ZMIZ1: variants seen among roughly 807,000 people sequenced by gnomAD.
The protein encoded by ZMIZ1 is zinc finger MIZ-type containing 1, also known as zinc finger MIZ domain-containing protein 1.
In ZMIZ1, 17 loss-of-function variants were observed where a neutral mutation model predicts 113.9. The observed-to-expected ratio is 0.15, with a 90% CI of 0.10 to 0.22. ZMIZ1 has a LOEUF of 0.22. ZMIZ1 is among the 10% of genes least tolerant of loss of function. The pLI is 1.00. For missense variants in ZMIZ1, 1,059 were observed against 1,477.8 expected, an observed-to-expected ratio of 0.72 and a Z score of 4.65; for synonymous variants, 607 against 603.1, an observed-to-expected ratio of 1.01 and a Z score of -0.09.
rs926480456 is a variant in ZMIZ1, at chr10:79,307,261, C to T, written c.2669-144C>T. On this transcript the variant is annotated intron_variant, in intron 22 of 24. Coordinates refer to ENST00000334512, the MANE Select transcript of ZMIZ1 (RefSeq NM_020338.4). ...TGAGTGGCTGCTCTATCCTACAGCC[C>T]GGAAGCCTCGGGCTGCTGTGACCTA... 21 of 765,750 alleles carry T rather than the reference C, an allele frequency of 2.7e-5. No homozygotes were observed. In the East Asian group the frequency reaches 4.6e-4, roughly 17 times the overall value. The allele number at this position is 765,750 out of a possible 1,614,324, so 47.4% of individuals were successfully genotyped here.
At chr10:79,156,411 C>T (rs967182728) in intron 3 of ZMIZ1, among the ~76,000 whole-genome samples, 4 of 152,174 alleles carry the variant, frequency 2.6e-5, no homozygotes, top group Non-Finnish European at 4.4e-5. Context: ...GTACCAGCCA[C>T]GACTTCCCAC....
intron 4 of ZMIZ1, among the ~76,000 whole-genome samples, chr10:79,190,351 T>A (rs1847547307): frequency 6.6e-6 from 1 of 152,158 alleles, no homozygotes; most frequent in South Asian, 2.1e-4. Context: ...TGACCCTGCC[T>A]CGGATCCACA....
chr10:79,157,031 C>G (rs1485384804), intron 3 of ZMIZ1, among the ~76,000 whole-genome samples: 1 of 73,608 alleles, frequency 1.4e-5, no homozygotes, highest in Non-Finnish European at 4.2e-5. Context: ...GGAGGTGGCT[C>G]TCAGAGAAGG....
chr10:79,253,478 T>G (rs777265466), intron 7 of ZMIZ1, among the ~76,000 whole-genome samples: 1 of 152,130 alleles, frequency 6.6e-6, no homozygotes, highest in Non-Finnish European at 1.5e-5. Context: ...CGTGCCGTCT[T>G]GGATTGTCTT....
At chr10:79,242,095 C>T (rs1849859890) in intron 7 of ZMIZ1, among the ~76,000 whole-genome samples, 1 of 151,908 alleles carries the variant, frequency 6.6e-6, no homozygotes. Flanking sequence ...CAGGGAGTGC[C>T]CACGAAAGAG....
chr10:79,273,755 C>T (rs1852088994), intron 7 of ZMIZ1, among the ~76,000 whole-genome samples: 1 of 152,276 alleles, frequency 6.6e-6, no homozygotes, highest in South Asian at 2.1e-4. Context: ...TACAATTCCT[C>T]TCCACGCCCC....
At chr10:79,127,187 T>G (rs146202101) in intron 2 of ZMIZ1, among the ~76,000 whole-genome samples, 1 of 152,204 alleles carries the variant, frequency 6.6e-6, no homozygotes, top group South Asian at 2.1e-4. Context: ...GGAAATGCCA[T>G]GCCAGTGCCA....
chr10:79,299,339 C>T, intron 16 of ZMIZ1, 148 bp downstream of exon 16: 1 of 1,233,288 alleles, frequency 8.1e-7, no homozygotes, highest in South Asian at 1.6e-5. Context: ...GGGCCCTGTC[C>T]TGCGGTTGTC....
intron 14 of ZMIZ1, among the ~76,000 whole-genome samples, chr10:79,298,182 G>A (rs1854035057): frequency 6.6e-6 from 1 of 152,176 alleles, no homozygotes. Context: ...ACCTGACACA[G>A]GAGCTCAGTG....
intron 7 of ZMIZ1, among the ~76,000 whole-genome samples, chr10:79,255,416 G>C (rs193225914): frequency 2.0e-5 from 3 of 152,262 alleles, no homozygotes; most frequent in Non-Finnish European, 4.4e-5. Flanking sequence ...GCATGGGTAT[G>C]AGTAGGTAAG....
intron 7 of ZMIZ1, among the ~76,000 whole-genome samples, chr10:79,269,170 C>G (rs1383189553): frequency 6.6e-6 from 1 of 152,142 alleles, no homozygotes; most frequent in Admixed American, 6.5e-5. Context: ...CAGTCTCCCC[C>G]GCTGCGGAGT....
chr10:79,272,091 A>G (rs1412584481), intron 7 of ZMIZ1, among the ~76,000 whole-genome samples: 1 of 152,110 alleles, frequency 6.6e-6, no homozygotes, highest in Non-Finnish European at 1.5e-5. Context: ...CAACATGGCA[A>G]AACTCCATCT....
At chr10:79,097,535 G>A (rs1024183110) in intron 1 of ZMIZ1, among the ~76,000 whole-genome samples, 2 of 152,192 alleles carry the variant, frequency 1.3e-5, no homozygotes, top group African/African-American at 2.4e-5. Flanking sequence ...GCAATGTGAC[G>A]AACTCGAGAT....
intron 2 of ZMIZ1, among the ~76,000 whole-genome samples, chr10:79,131,315 C>G (rs2132373073): frequency 6.6e-6 from 1 of 152,174 alleles, no homozygotes; most frequent in Admixed American, 6.5e-5. Context: ...CGTGCCCACT[C>G]TGGCCTCTTC....
chr10:79,245,058 C>A (rs11002888), intron 7 of ZMIZ1, among the ~76,000 whole-genome samples: 3,697 of 152,258 alleles, frequency 0.024, 60 homozygotes, highest in Non-Finnish European at 0.04. Flanking sequence ...CTATTTTTAT[C>A]CTGAACTTCC....
chr10:79,197,011 C>A (rs1847860179), intron 4 of ZMIZ1, among the ~76,000 whole-genome samples: 1 of 152,208 alleles, frequency 6.6e-6, no homozygotes, highest in Non-Finnish European at 1.5e-5. Flanking sequence ...GGTCTGGCCC[C>A]CAGGTCACTT....
Position 79,248,264 on chromosome 10 carries a change from G to T in ZMIZ1, c.281-28917G>T, listed in dbSNP as rs73302201. Among the ~76,000 whole-genome samples, 960 of 152,288 alleles carry T rather than the reference G, an allele frequency of 6.3e-3. 15 individuals are homozygous for T. Among genetic ancestry groups the T allele is most frequent in the African/African-American group, 0.022 (916 of 41,544 alleles). ...AGGTGAAACTTGATTTTGGAAATGG[G>T]CAGGATGAGAAAGGACTGTTGGGTG... is the stretch of plus-strand genomic sequence containing the variant. On this transcript the variant is annotated intron_variant, in intron 7 of 24. Transcript: ENST00000334512.
At chr10:79,187,450 T>C (rs952604581) in intron 4 of ZMIZ1, among the ~76,000 whole-genome samples, 1 of 152,220 alleles carries the variant, frequency 6.6e-6, no homozygotes, top group Non-Finnish European at 1.5e-5. Flanking sequence ...GTTCCTCTTC[T>C]GTGAAGTCTG....
At chr10:79,256,182 T>C (rs11002894) in intron 7 of ZMIZ1, among the ~76,000 whole-genome samples, 9,259 of 152,280 alleles carry the variant, frequency 0.061, 586 homozygotes, top group East Asian at 0.35. Context: ...TTTATACTAA[T>C]GTGTGAGTGG....
Sources: allele counts gnomAD v4.1 joint callset (sites outside exome capture counted in the v4.1 genomes callset), GRCh38; gene constraint gnomAD v4.1.1; transcripts MANE v1.5; gene names NCBI Gene and HGNC (gene_info 2026-07-23, HGNC 2026-07-21).